The following RAB39A variants were observed in gnomAD, a reference collection of about 807,000 sequenced individuals.
RAB39A encodes the protein RAB39A, member RAS oncogene family.
In RAB39A, 17 loss-of-function variants were observed where a neutral mutation model predicts 20.9. That is an observed-to-expected ratio of 0.81 (90% CI 0.56 to 1.22). The LOEUF (loss-of-function observed/expected upper bound fraction) is 1.22. RAB39A is among the 50% of genes most tolerant of loss of function. The pLI is 0.00. For missense variants in RAB39A, 234 were observed against 270.5 expected, an observed-to-expected ratio of 0.87 and a Z score of 0.95; for synonymous variants, 99 against 103.4, an observed-to-expected ratio of 0.96 and a Z score of 0.26.
At chr11:107,953,595 G>A (rs1861404381) in intron 1 of RAB39A, among the ~76,000 whole-genome samples, 1 of 152,106 alleles carries the variant, frequency 6.6e-6, no homozygotes, top group Non-Finnish European at 1.5e-5. Context: ...GTTTTCTAGT[G>A]AAAGCATTTC....
chr11:107,945,318 C>CAAAA (rs33940061), intron 1 of RAB39A, among the ~76,000 whole-genome samples: 17 of 87,440 alleles, frequency 1.9e-4, no homozygotes, highest in African/African-American at 3.2e-4. Flanking sequence ...CCCGTCTCTA[C>CAAAA]AAAAAAAAAA....
chr11:107,957,542 T>A (rs1228301211), intron 1 of RAB39A, among the ~76,000 whole-genome samples: 1 of 152,206 alleles, frequency 6.6e-6, no homozygotes, highest in East Asian at 1.9e-4. Context: ...TAGTGTAGCT[T>A]TCAAAGTATG....
rs190936332 is a variant in RAB39A, at chr11:107,953,199, T to A, written c.228-8747T>A. Among the ~76,000 whole-genome samples, 444 of 152,284 alleles carry A rather than the reference T, an allele frequency of 2.9e-3. 2 individuals carry two copies. The Middle Eastern group carries it at 0.041, about 14-fold the overall frequency. On this transcript the variant is annotated intron_variant, in intron 1 of 1. Coordinates refer to ENST00000320578, the MANE Select transcript of RAB39A (RefSeq NM_017516.3). ...ATGTGTGCTTCACTGCAGTTTTTTT[T>A]AAAAACTGAACTTTAGTCTTGTAAA...
chr11:107,957,734 G>A (rs764529100), intron 1 of RAB39A, among the ~76,000 whole-genome samples: 5 of 152,098 alleles, frequency 3.3e-5, no homozygotes, highest in African/African-American at 9.7e-5. Context: ...CCAGAGAATA[G>A]TCTCACCTCT....
At chr11:107,931,221 C>T (rs1188691952) in intron 1 of RAB39A, among the ~76,000 whole-genome samples, 2 of 152,186 alleles carry the variant, frequency 1.3e-5, no homozygotes, top group East Asian at 3.9e-4. Context: ...GGGTGATCCA[C>T]CTGCCTCAGC....
chr11:107,935,262 T>A (rs954492691), intron 1 of RAB39A, among the ~76,000 whole-genome samples: 5 of 152,164 alleles, frequency 3.3e-5, no homozygotes, highest in African/African-American at 1.2e-4. Flanking sequence ...GAGTAGGACG[T>A]ACCTGAAAGT....
At position 107,954,720 on chromosome 11, in the gene RAB39A, G is replaced by A. The variant is rs1021666403; in HGVS notation, c.228-7226G>A. Among the ~76,000 whole-genome samples, 3 of 152,120 alleles carry A rather than the reference G, an allele frequency of 2.0e-5. No homozygotes were observed. In the South Asian group the frequency reaches 6.2e-4, roughly 32 times the overall value. On this transcript the variant is annotated intron_variant, in intron 1 of 1. Coordinates refer to ENST00000320578, the MANE Select transcript of RAB39A (RefSeq NM_017516.3). ...TCCAGATAAGGCCATGAGTTGAGAG[G>A]GTGCTGTAAGAATAGATGTGCTGGG... is the stretch of plus-strand genomic sequence containing the variant.
At chr11:107,944,069 A>C (rs1181601431) in intron 1 of RAB39A, among the ~76,000 whole-genome samples, 1 of 151,782 alleles carries the variant, frequency 6.6e-6, no homozygotes, top group East Asian at 1.9e-4. Flanking sequence ...CACTCCATCC[A>C]GGGCGACACA....
At position 107,944,636 on chromosome 11, in the gene RAB39A, C is replaced by A. The variant is rs1001919995; in HGVS notation, c.227+15841C>A. 4.7e-4 allele frequency among the ~76,000 whole-genome samples: 72 copies of A among 152,064 alleles called. 1 individual carries two copies. Among genetic ancestry groups the A allele is most frequent in the Non-Finnish European group, 2.2e-4 (15 of 68,016 alleles). On this transcript the variant is annotated intron_variant, in intron 1 of 1. Transcript: ENST00000320578. Reference sequence around the variant, plus strand: ...TCCTGACCTTGTGATCTGCCCGCCTCAGCCTCCCAACGTGCTGGGATTATA... The same window carrying A: ...TCCTGACCTTGTGATCTGCCCGCCTAAGCCTCCCAACGTGCTGGGATTATA...
intron 1 of RAB39A, among the ~76,000 whole-genome samples, chr11:107,935,611 G>C (rs1861186306): frequency 6.6e-6 from 1 of 151,952 alleles, no homozygotes; most frequent in South Asian, 2.1e-4. Flanking sequence ...CCTGACCTCA[G>C]GTGATTCACC....
chr11:107,940,232 G>A (rs1003115230), intron 1 of RAB39A, among the ~76,000 whole-genome samples: 1 of 151,646 alleles, frequency 6.6e-6, no homozygotes, highest in Non-Finnish European at 1.5e-5. Context: ...GAATATCATC[G>A]GATATAATTT....
chr11:107,959,563 A>G (rs983150307), intron 1 of RAB39A, among the ~76,000 whole-genome samples: 1 of 152,206 alleles, frequency 6.6e-6, no homozygotes, highest in African/African-American at 2.4e-5. Flanking sequence ...CTATAATACT[A>G]TAGTCCTTGA....
intron 1 of RAB39A, among the ~76,000 whole-genome samples, chr11:107,936,424 T>C (rs77876439): frequency 1.1e-5 from 1 of 92,344 alleles, no homozygotes; most frequent in Admixed American, 9.9e-5. Context: ...GCTTATCTTC[T>C]CTTCTCCCAC....
intron 1 of RAB39A, among the ~76,000 whole-genome samples, chr11:107,950,615 A>G (rs1316437430): frequency 6.6e-6 from 1 of 152,018 alleles, no homozygotes; most frequent in Admixed American, 6.6e-5. Flanking sequence ...AAAAATACAA[A>G]ACTTAGCTAG....
At chr11:107,956,924 G>A (rs1407973790) in intron 1 of RAB39A, among the ~76,000 whole-genome samples, 2 of 152,180 alleles carry the variant, frequency 1.3e-5, no homozygotes, top group Admixed American at 1.3e-4. Flanking sequence ...GAGTATTAAT[G>A]GATAGAAAGT....
At chr11:107,948,884 C>T (rs1310448391) in intron 1 of RAB39A, among the ~76,000 whole-genome samples, 4 of 152,134 alleles carry the variant, frequency 2.6e-5, no homozygotes, top group Non-Finnish European at 5.9e-5. Context: ...AGATACTTTT[C>T]GTTGTTGAGC....
In RAB39A at chr11:107,962,079, G is replaced by A. The variant is rs1861502577; in HGVS notation, c.361G>A (p.Val121Ile). The A allele has an allele frequency of 6.2e-7, 1 of 1,614,098 alleles. No individual in the cohort carries two copies. The highest frequency in any genetic ancestry group is 1.1e-5 in the South Asian group (1 of 91,072). The change falls in exon 2 of 2, where the codon GTA (valine) becomes ATA (isoleucine). Residue 121 changes from valine to isoleucine, a missense_variant. Coordinates refer to ENST00000320578, the MANE Select transcript of RAB39A (RefSeq NM_017516.3). Reference sequence around the variant, plus strand: ...AATGTATGTACAGCCATTTCGGATTGTATTTCTGCTAGTGGGACATAAATG... The same window carrying A: ...AATGTATGTACAGCCATTTCGGATTATATTTCTGCTAGTGGGACATAAATG... ...AKMYVQPFRI[V>I]FLLVGHKCDL...
chr11:107,951,684 G>A (rs1290403667), intron 1 of RAB39A, among the ~76,000 whole-genome samples: 2 of 141,846 alleles, frequency 1.4e-5, no homozygotes, highest in African/African-American at 5.3e-5. Context: ...CAGTGGCGCA[G>A]TCATAGTTCA....
intron 1 of RAB39A, among the ~76,000 whole-genome samples, chr11:107,953,397 T>C (rs1457872773): frequency 6.6e-6 from 1 of 152,122 alleles, no homozygotes; most frequent in Non-Finnish European, 1.5e-5. Context: ...AGAGACTTGA[T>C]GGGAAAGTGG....
Sources: allele counts gnomAD v4.1 joint callset (sites outside exome capture counted in the v4.1 genomes callset), GRCh38; gene constraint gnomAD v4.1.1; transcripts MANE v1.5; gene names NCBI Gene and HGNC (gene_info 2026-07-23, HGNC 2026-07-21).